OSBPL9: variants seen among roughly 807,000 people sequenced by gnomAD.
The protein encoded by OSBPL9 is oxysterol binding protein like 9, also known as oxysterol-binding protein-related protein 9.
In OSBPL9, 40 loss-of-function variants were observed where a neutral mutation model predicts 106.6. The observed-to-expected ratio is 0.38, with a 90% confidence interval of 0.29 to 0.49. The LOEUF is 0.49. OSBPL9 is among the 20% of genes least tolerant of loss of function. OSBPL9 has a pLI of 0.97. For synonymous variants in OSBPL9, 269 were observed against 295.4 expected, an observed-to-expected ratio of 0.91 and a Z score of 0.92; for missense variants, 609 against 887.2, an observed-to-expected ratio of 0.69 and a Z score of 3.98.
the OSBPL9 span, chr1:51,560,967 A>T: frequency 6.6e-6 from 1 of 152,256 alleles, no homozygotes; most frequent in Admixed American, 6.5e-5. Context: ...ACCTGCACTC[A>T]GCCGGGCACG....
chr1:51,728,343 T>C (rs372382699), intron 4 of OSBPL9, among the ~76,000 whole-genome samples: 253 of 152,244 alleles, frequency 1.7e-3, no homozygotes, highest in Non-Finnish European at 3.0e-3. Context: ...AAGACTTTAG[T>C]AAGATTATTC....
At chr1:51,732,996 G>T (rs1664803322) in intron 4 of OSBPL9, among the ~76,000 whole-genome samples, 1 of 152,148 alleles carries the variant, frequency 6.6e-6, no homozygotes, top group Non-Finnish European at 1.5e-5. Flanking sequence ...TTCTTGCTTA[G>T]ATTACCCCAC....
At chr1:51,586,829 C>T (rs1295427162) in intron 1 of OSBPL9, among the ~76,000 whole-genome samples, 22 of 152,146 alleles carry the variant, frequency 1.4e-4, no homozygotes, top group Admixed American at 1.4e-3. Flanking sequence ...GTGGAATCTT[C>T]CATGCTGTCA....
At chr1:51,667,504 A>G (rs1648802059) in intron 2 of OSBPL9, among the ~76,000 whole-genome samples, 1 of 152,142 alleles carries the variant, frequency 6.6e-6, no homozygotes, top group Admixed American at 6.5e-5. Context: ...CACTTAGCAT[A>G]CTGTTTTCAA....
chr1:51,572,159 T>G, the OSBPL9 span, among the ~76,000 whole-genome samples: 1 of 152,182 alleles, frequency 6.6e-6, no homozygotes, highest in African/African-American at 2.4e-5. Flanking sequence ...AATTCTCTCC[T>G]TTAATCAATA....
intron 14 of OSBPL9, among the ~76,000 whole-genome samples, chr1:51,775,339 CT>C (rs1030172676): frequency 1.1e-3 from 161 of 146,476 alleles, no homozygotes; most frequent in African/African-American, 2.5e-3. Context: ...CTTTCCTTGT[CT>C]TTTTTTTTTT....
intron 3 of OSBPL9, among the ~76,000 whole-genome samples, chr1:51,713,505 GA>G (rs1462129306): frequency 2.0e-5 from 3 of 152,152 alleles, no homozygotes; most frequent in Non-Finnish European, 4.4e-5. Context: ...AAATTGAACA[GA>G]AAGTAGAGTT....
chr1:51,752,526 G>T, intron 8 of OSBPL9: 1 of 456,040 alleles, frequency 2.2e-6, no homozygotes, highest in Non-Finnish European at 4.4e-6. Flanking sequence ...TGAGGAATTT[G>T]CTCGTCTTAC....
intron 22 of OSBPL9, among the ~76,000 whole-genome samples, chr1:51,787,080 G>T: frequency 6.6e-6 from 1 of 152,148 alleles, no homozygotes; most frequent in South Asian, 2.1e-4. Context: ...AGAGCCAGAA[G>T]TAGAATCCCA....
At chr1:51,701,592 T>C (rs1028579980) in intron 3 of OSBPL9, among the ~76,000 whole-genome samples, 2 of 152,156 alleles carry the variant, frequency 1.3e-5, no homozygotes, top group Non-Finnish European at 2.9e-5. Flanking sequence ...TGTATTTGTA[T>C]ATGGTTCTTT....
chr1:51,586,918 TC>T lies in OSBPL9; in HGVS notation c.-423+9663del, dbSNP rs1295663341. 1.2e-4 allele frequency among the ~76,000 whole-genome samples: 18 copies of T among 152,298 alleles called. No homozygotes were observed. In the South Asian group the frequency reaches 3.5e-3, roughly 30 times the overall value. On this transcript the variant is annotated intron_variant, in intron 1 of 25. Transcript: ENST00000371714. ...CACTTACTGCAAACTGGCACCCTGG[TC>T]ACAGTTTTCCTCTCTACTCAGGTCC...
chr1:51,785,494 G>T, intron 20 of OSBPL9: 1 of 297,934 alleles, frequency 3.4e-6, no homozygotes, highest in Non-Finnish European at 6.2e-6. Context: ...TTTCAATGGT[G>T]GTTACGTCTC....
chr1:51,762,043 G>A (rs1671633257), intron 11 of OSBPL9, 72 bp downstream of exon 11: 2 of 1,074,656 alleles, frequency 1.9e-6, no homozygotes, highest in African/African-American at 3.1e-5. Context: ...GACCTCTGAT[G>A]AGGAGGGGGA....
intron 3 of OSBPL9, among the ~76,000 whole-genome samples, chr1:51,687,844 C>T (rs1314281678): frequency 2.6e-5 from 4 of 152,194 alleles, no homozygotes; most frequent in African/African-American, 9.7e-5. Context: ...GAAGCCTCCT[C>T]GTCACATTTG....
chr1:51,781,352 C>T lies in OSBPL9; in HGVS notation c.1428+17C>T. 2 of 1,606,540 alleles carry T rather than the reference C, an allele frequency of 1.2e-6. No homozygotes were observed. The highest frequency in any genetic ancestry group is 1.7e-5 in the Admixed American group (1 of 59,896). On this transcript the variant is annotated intron_variant, in intron 16 of 23. Transcript: ENST00000428468. ...GAGAACACAGTGAGTTCTGCATTGACATTTTTAAATTATCTTAATTGTATA... is the reference window on the plus strand; with the variant it reads ...GAGAACACAGTGAGTTCTGCATTGATATTTTTAAATTATCTTAATTGTATA...
rs1196629533 is a variant in OSBPL9 at position 51,734,923 on chromosome 1, T to G, written c.319-10613T>G. Among the ~76,000 whole-genome samples, 3 of 152,240 alleles carry G rather than the reference T, an allele frequency of 2.0e-5. No individual in the cohort carries two copies. In the South Asian group the frequency reaches 6.2e-4, roughly 31 times the overall value. ...CAGATCCAAAAAATATACATTCTTC[T>G]GTAACAGAATATTGTTCCTCAGTTG... On this transcript the variant is annotated intron_variant, in intron 4 of 23. Coordinates refer to ENST00000428468, the MANE Select transcript of OSBPL9 (RefSeq NM_024586.6).
chr1:51,787,477 T>C lies in OSBPL9; in HGVS notation c.2125T>C (p.Trp709Arg), dbSNP rs1001230941. ...ARERKEKEIQ[W>R]ETRLFHEDGE... is the part of the protein sequence containing the mutation. ...AGAAAGGAAGGAGAAGGAAATTCAGTGGGAGACAAGGGTAAGCTTGCCTGC... is the reference window on the plus strand; with the variant it reads ...AGAAAGGAAGGAGAAGGAAATTCAGCGGGAGACAAGGGTAAGCTTGCCTGC... Residue 709 changes from tryptophan (W) to arginine (R), a missense_variant, in exon 23 of 24, where the codon TGG becomes CGG. Physicochemically the swap from Trp to Arg is moderately radical, Grantham distance 101. Coordinates refer to ENST00000428468, the MANE Select transcript of OSBPL9 (RefSeq NM_024586.6). 14 of 1,613,920 alleles carry C rather than the reference T, an allele frequency of 8.7e-6. No homozygotes were observed. The highest frequency in any genetic ancestry group is 1.0e-5 in the Non-Finnish European group (12 of 1,179,874).
At chr1:51,712,636 G>C (rs985777133) in intron 3 of OSBPL9, among the ~76,000 whole-genome samples, 4 of 151,718 alleles carry the variant, frequency 2.6e-5, no homozygotes, top group Non-Finnish European at 4.4e-5. Flanking sequence ...AATCTAAGTG[G>C]AAAAAAACCC....
intron 4 of OSBPL9, among the ~76,000 whole-genome samples, chr1:51,739,908 T>C (rs1210556490): frequency 6.6e-6 from 1 of 151,992 alleles, no homozygotes; most frequent in Non-Finnish European, 1.5e-5. Flanking sequence ...CCACTTTTGG[T>C]AGGGAGACAA....
Sources: allele counts gnomAD v4.1 joint callset (sites outside exome capture counted in the v4.1 genomes callset), GRCh38; gene constraint gnomAD v4.1.1; transcripts MANE v1.5; gene names NCBI Gene and HGNC (gene_info 2026-07-23, HGNC 2026-07-21).